Variants in PAX8 observed in about 807,000 individuals in gnomAD.
The protein encoded by PAX8 is paired box 8, also known as paired box protein Pax-8.
In PAX8, 15 loss-of-function variants were observed where a neutral mutation model predicts 52.4. The ratio of observed to expected loss-of-function variants is 0.29; its 90% CI spans 0.19 to 0.44. The LOEUF (loss-of-function observed/expected upper bound fraction) is 0.44, where lower values mean the gene tolerates loss of function less well. Ranked by LOEUF, PAX8 falls within the 20% of genes least tolerant of loss-of-function variation. The probability of loss-of-function intolerance (pLI) is 1.00; values close to 1 mark genes in which losing one functional copy is unlikely to be tolerated. For synonymous variants in PAX8, 284 were observed against 249.7 expected, an observed-to-expected ratio of 1.14 and a Z score of -1.29; for missense variants, 554 against 602.5, an observed-to-expected ratio of 0.92 and a Z score of 0.84.
intron 4 of PAX8, 128 bp downstream of exon 4, chr2:113,244,299 C>G: frequency 1.3e-6 from 1 of 786,124 alleles, no homozygotes; most frequent in Non-Finnish European, 2.3e-6. Flanking sequence ...TGCTCCCTGC[C>G]TGATTGTTCA....
intron 2 of PAX8, among the ~76,000 whole-genome samples, chr2:113,264,263 T>C (rs1049086393): frequency 6.6e-6 from 1 of 152,212 alleles, no homozygotes; most frequent in African/African-American, 2.4e-5. Context: ...AAGCATAGGC[T>C]TCTGTGCCTA....
At chr2:113,243,338 A>T (rs1691031671) in intron 4 of PAX8, among the ~76,000 whole-genome samples, 2 of 152,038 alleles carry the variant, frequency 1.3e-5, no homozygotes, top group African/African-American at 4.8e-5. Flanking sequence ...TGACATCTTC[A>T]ACTTCAGCCT....
intron 7 of PAX8, chr2:113,238,333 G>C (rs1355203636): frequency 6.6e-6 from 1 of 152,478 alleles, no homozygotes; most frequent in African/African-American, 2.4e-5. Context: ...ACCTCCCAAA[G>C]TGTTGGGATT....
intron 2 of PAX8, among the ~76,000 whole-genome samples, chr2:113,253,624 C>T (rs1276294312): frequency 2.0e-5 from 3 of 152,280 alleles, no homozygotes; most frequent in African/African-American, 4.8e-5. Flanking sequence ...GTCTCCCTGT[C>T]GTATCTAGTT....
At chr2:113,253,942 A>T (rs754598880) in intron 2 of PAX8, among the ~76,000 whole-genome samples, 34 of 152,228 alleles carry the variant, frequency 2.2e-4, no homozygotes, top group Non-Finnish European at 3.8e-4. Context: ...CTATATATGT[A>T]TGAATCATAA....
intron 2 of PAX8, chr2:113,259,351 G>C (rs1255361355): frequency 6.5e-6 from 1 of 152,910 alleles, no homozygotes; most frequent in Non-Finnish European, 1.5e-5. Context: ...AGGGAGAGAA[G>C]CCTCCCAGAA....
At chr2:113,230,442 A>G (rs1689823217) in intron 9 of PAX8, 1 of 152,280 alleles carries the variant, frequency 6.6e-6, no homozygotes, top group Admixed American at 6.5e-5. Flanking sequence ...TAGCCCCTAC[A>G]TTGATCTTAT....
chr2:113,249,155 C>T (rs191509883), intron 2 of PAX8, among the ~76,000 whole-genome samples: 1 of 152,250 alleles, frequency 6.6e-6, no homozygotes, highest in Non-Finnish European at 1.5e-5. Context: ...CTAGTGACTG[C>T]TTCTCCACTA....
At chr2:113,265,638 C>G (rs1045534630) in intron 2 of PAX8, 1 of 152,202 alleles carries the variant, frequency 6.6e-6, no homozygotes, top group Non-Finnish European at 1.5e-5. Context: ...TCTATCTAGA[C>G]TGAAGCCTTT....
intron 4 of PAX8, among the ~76,000 whole-genome samples, chr2:113,243,948 T>G (rs1691092014): frequency 6.6e-6 from 1 of 152,208 alleles, no homozygotes; most frequent in African/African-American, 2.4e-5. Flanking sequence ...TCCGCAAAGA[T>G]GGGCTTTGTG....
chr2:113,256,736 A>C (rs1692294482), intron 2 of PAX8, among the ~76,000 whole-genome samples: 1 of 151,996 alleles, frequency 6.6e-6, no homozygotes, highest in Non-Finnish European at 1.5e-5. Flanking sequence ...GGTGAGGTTC[A>C]TGTATTCATT....
intron 2 of PAX8, among the ~76,000 whole-genome samples, chr2:113,277,580 A>G (rs6707245): frequency 0.49 from 75,008 of 151,690 alleles, 19,048 homozygotes; most frequent in African/African-American, 0.61. Flanking sequence ...CTGCGCCTCC[A>G]CCGCTGTCCG....
At chr2:113,261,007 G>A (rs927563048) in intron 2 of PAX8, among the ~76,000 whole-genome samples, 10 of 152,038 alleles carry the variant, frequency 6.6e-5, no homozygotes, top group African/African-American at 1.2e-4. Context: ...AAGGGGAACC[G>A]CCTTTCTGAG....
rs545651523 is a variant in PAX8, at chr2:113,220,358, T to C, written c.1190-180A>G. On this transcript the variant is annotated intron_variant, in intron 10 of 11. Transcript: ENST00000429538. ...CCTCTGTCATCCCTTTTGGAACCCATCGATCTGGAAAATTTGGGGCAGTGT... is the reference window on the plus strand; with the variant it reads ...CCTCTGTCATCCCTTTTGGAACCCACCGATCTGGAAAATTTGGGGCAGTGT... 46 of 607,260 alleles carry C rather than the reference T, an allele frequency of 7.6e-5. 1 individual carries two copies. The highest frequency in any genetic ancestry group is 4.3e-4 in the South Asian group (22 of 51,198). 37.6% of individuals were successfully genotyped at this position (607,260 alleles called of 1,614,324 possible).
chr2:113,277,851 A>G (rs1693935007), intron 2 of PAX8, among the ~76,000 whole-genome samples: 1 of 152,030 alleles, frequency 6.6e-6, no homozygotes, highest in African/African-American at 2.4e-5. Flanking sequence ...GTCGGAGAGC[A>G]CCTGAGTGCG....
chr2:113,245,998 G>A (rs898951275), intron 3 of PAX8, among the ~76,000 whole-genome samples: 8 of 152,220 alleles, frequency 5.3e-5, no homozygotes, highest in African/African-American at 1.9e-4. Flanking sequence ...GTGGCACAGA[G>A]GCATTTTTAA....
At chr2:113,245,449 T>C (rs1007031279) in intron 3 of PAX8, among the ~76,000 whole-genome samples, 1 of 152,200 alleles carries the variant, frequency 6.6e-6, no homozygotes, top group Admixed American at 6.5e-5. Context: ...TGTCCAAGCC[T>C]GAGGCATATC....
intron 2 of PAX8, among the ~76,000 whole-genome samples, chr2:113,253,003 T>C (rs1460173787): frequency 6.6e-6 from 1 of 152,240 alleles, no homozygotes; most frequent in Non-Finnish European, 1.5e-5. Flanking sequence ...CATTCGGTGC[T>C]CAGCCTGCTC....
intron 2 of PAX8, among the ~76,000 whole-genome samples, chr2:113,255,160 GAAAA>G (rs556351030): frequency 7.0e-6 from 1 of 142,726 alleles, no homozygotes; most frequent in African/African-American, 2.6e-5. Flanking sequence ...AAGGAAGGAA[GAAAA>G]AAAGAAGGAA....
Sources: allele counts gnomAD v4.1 joint callset (sites outside exome capture counted in the v4.1 genomes callset), GRCh38; gene constraint gnomAD v4.1.1; transcripts MANE v1.5; gene names NCBI Gene and HGNC (gene_info 2026-07-23, HGNC 2026-07-21).